The following CIT variants were observed in gnomAD, a reference collection of about 807,000 sequenced individuals.
CIT encodes the protein citron rho-interacting serine/threonine kinase.
In CIT, 79 loss-of-function variants were observed where a neutral mutation model predicts 272.7. That is an observed-to-expected ratio of 0.29 (90% CI 0.24 to 0.35). The LOEUF (loss-of-function observed/expected upper bound fraction) is 0.35, where lower values mean the gene tolerates loss of function less well. Among genes scored for constraint, CIT ranks in the 10% least tolerant of loss-of-function variants. The pLI is 1.00. For synonymous variants in CIT, 948 were observed against 995.6 expected (o/e 0.95, Z 0.90); for missense variants, 1,909 against 2,618.3 (o/e 0.73, Z 5.91).
chr12:119,778,651 C>CCA (rs1566030495), intron 13 of CIT, among the ~76,000 whole-genome samples: 2 of 151,984 alleles, frequency 1.3e-5, no homozygotes, highest in Non-Finnish European at 2.9e-5. Flanking sequence ...CGCCCCCCCC[C>CCA]CAGAGCATAT....
chr12:119,824,106 CTGTATATATATATA>C (rs1398836074), intron 8 of CIT, among the ~76,000 whole-genome samples: 2 of 64,416 alleles, frequency 3.1e-5, no homozygotes, highest in Non-Finnish European at 5.7e-5. Flanking sequence ...AATAGTTTTA[CTGTATATATATATA>C]TATATATATA....
chr12:119,744,403 T>TA (rs764573407), intron 23 of CIT, among the ~76,000 whole-genome samples: 148 of 137,942 alleles, frequency 1.1e-3, no homozygotes, highest in Middle Eastern at 7.2e-3. Context: ...TATTTAATTA[T>TA]AAAAAAAAAA....
rs767991355 is a variant in CIT, at chr12:119,714,378, A to T, written c.4169-44T>A. 48 of 1,608,324 alleles carry T rather than the reference A, an allele frequency of 3.0e-5. 1 individual carries two copies. In the South Asian group the frequency reaches 4.9e-4, roughly 16 times the overall value. On this transcript the variant is annotated intron_variant, in intron 32 of 47. Coordinates refer to ENST00000392521, the MANE Select transcript of CIT (RefSeq NM_001206999.2). ...AAAAATCATTAGAGTACTGCAAATGATCCCATCAGGAAAGTGAAAAGACAA... is the reference window on the plus strand; with the variant it reads ...AAAAATCATTAGAGTACTGCAAATGTTCCCATCAGGAAAGTGAAAAGACAA...
chr12:119,850,891 T>C (rs1970181864), intron 4 of CIT, among the ~76,000 whole-genome samples: 1 of 152,104 alleles, frequency 6.6e-6, no homozygotes, highest in Non-Finnish European at 1.5e-5. Flanking sequence ...CAGAGCAGAT[T>C]ATCTGGACCC....
chr12:119,853,273 G>A (rs1566128531), intron 4 of CIT, among the ~76,000 whole-genome samples: 1 of 149,224 alleles, frequency 6.7e-6, no homozygotes, highest in African/African-American at 2.5e-5. Context: ...GCAGTGAGCA[G>A]AGATTGTGCC....
At chr12:119,726,739 C>T (rs985536847) in intron 28 of CIT, among the ~76,000 whole-genome samples, 2 of 152,058 alleles carry the variant, frequency 1.3e-5, no homozygotes, top group African/African-American at 4.8e-5. Context: ...TGCATTTGTC[C>T]TTGCAGGTCA....
intron 10 of CIT, among the ~76,000 whole-genome samples, chr12:119,795,110 G>T (rs1965624277): frequency 6.6e-6 from 1 of 152,172 alleles, no homozygotes; most frequent in Non-Finnish European, 1.5e-5. Context: ...AGCCAGGCGT[G>T]GTGGCTCACA....
chr12:119,753,347 G>C (rs1403117177), intron 22 of CIT, among the ~76,000 whole-genome samples: 1 of 152,194 alleles, frequency 6.6e-6, no homozygotes, highest in Non-Finnish European at 1.5e-5. Flanking sequence ...TAGGGGTGAA[G>C]AGAAGAAACA....
chr12:119,876,180 C>T lies in CIT; in HGVS notation c.-12G>A, dbSNP rs747372703. The T allele has an allele frequency of 7.5e-6, 12 of 1,600,242 alleles. No homozygotes were observed. The Middle Eastern group carries it at 8.3e-4, about 110-fold the overall frequency. On this transcript the variant is annotated splice_region_variant and 5_prime_UTR_variant, in exon 2 of 48. Coordinates refer to ENST00000392521, the MANE Select transcript of CIT (RefSeq NM_001206999.2). ...TTGAACTTCAACATCTCCCCACTGGCGCTGAAAGGATATCAGAAAAGTCAA... is the reference window on the plus strand; with the variant it reads ...TTGAACTTCAACATCTCCCCACTGGTGCTGAAAGGATATCAGAAAAGTCAA...
chr12:119,733,693 C>G (rs569324111), intron 26 of CIT, among the ~76,000 whole-genome samples: 57 of 152,102 alleles, frequency 3.7e-4, no homozygotes, highest in African/African-American at 1.4e-3. Context: ...TGAGTAGAGA[C>G]TAGGGATGCT....
At chr12:119,790,441 T>C (rs1965210369) in intron 10 of CIT, among the ~76,000 whole-genome samples, 1 of 152,190 alleles carries the variant, frequency 6.6e-6, no homozygotes, top group Admixed American at 6.5e-5. Flanking sequence ...TATCTAATTA[T>C]GAAATTCTGT....
chr12:119,776,888 A>C (rs766300420), intron 13 of CIT, 46 bp from the exon 14 acceptor site: 3 of 1,585,272 alleles, frequency 1.9e-6, no homozygotes, highest in Non-Finnish European at 2.6e-6. Context: ...GAACTCCGAA[A>C]AGAATAGACA....
intron 26 of CIT, among the ~76,000 whole-genome samples, chr12:119,732,406 T>G (rs1030242148): frequency 6.6e-6 from 1 of 151,600 alleles, no homozygotes; most frequent in African/African-American, 2.4e-5. Context: ...TAAAAACAGC[T>G]AGGATAGGAG....
chr12:119,689,779 G>A (rs990006794), intron 47 of CIT, among the ~76,000 whole-genome samples: 1 of 141,768 alleles, frequency 7.1e-6, no homozygotes, highest in African/African-American at 2.6e-5. Context: ...CCGGGTTCAC[G>A]CCATTCTCCC....
rs1958238081 is a variant in CIT, at chr12:119,728,341, T to C, written c.3591+161A>G. Among the ~76,000 whole-genome samples, 1 of 152,142 alleles carries C rather than the reference T, an allele frequency of 6.6e-6. No individual in the cohort carries two copies. Among genetic ancestry groups the C allele is most frequent in the Non-Finnish European group, 1.5e-5 (1 of 68,030 alleles). ...TGGACACTCTGGTACAGGGTGTTGA[T>C]AGCTGGGGACACTGTGGGAGGAGGA... On this transcript the variant is annotated intron_variant, in intron 28 of 47. Coordinates refer to ENST00000392521, the MANE Select transcript of CIT (RefSeq NM_001206999.2). This position sits in a 1 kb window ranked among gnomAD's most constrained non-coding sequence, Gnocchi z 4.3.
chr12:119,869,213 A>C lies in CIT; in HGVS notation c.97-12T>G. ...AAGGGTGGTTTCCCCTAAAAACAGC[A>C]AACAGCAGATGGAGACACTGTCAAT... On this transcript the variant is annotated splice_polypyrimidine_tract_variant and intron_variant, in intron 2 of 47. Coordinates refer to ENST00000392521, the MANE Select transcript of CIT (RefSeq NM_001206999.2). 1 of 1,593,186 alleles carries C rather than the reference A, an allele frequency of 6.3e-7. No homozygotes were observed. Among genetic ancestry groups the C allele is most frequent in the Admixed American group, 1.9e-5 (1 of 52,140 alleles).
intron 16 of CIT, among the ~76,000 whole-genome samples, chr12:119,775,479 T>C (rs1411857053): frequency 6.6e-6 from 1 of 152,082 alleles, no homozygotes; most frequent in African/African-American, 2.4e-5. Flanking sequence ...TGTGCATAAA[T>C]GAGGTGCCAG....
In CIT at chr12:119,730,482, G is replaced by A; in HGVS notation, c.3486+13C>T. 1 of 1,587,922 alleles carries A rather than the reference G, an allele frequency of 6.3e-7. No homozygotes were observed. Among genetic ancestry groups the A allele is most frequent in the Admixed American group, 1.8e-5 (1 of 56,406 alleles). ...AAATGTTTTCCTAAAAAGCAGAAGG[G>A]GTGGGCGCTGACCTTGTCAGAGAGG... On this transcript the variant is annotated intron_variant, in intron 27 of 47. Coordinates refer to ENST00000392521, the MANE Select transcript of CIT (RefSeq NM_001206999.2).
chr12:119,832,928 A>G lies in CIT; in HGVS notation c.660-64T>C, dbSNP rs927959365. On this transcript the variant is annotated intron_variant, in intron 6 of 47. Transcript: ENST00000392521. ...CCAATCAGCAAGCAAGTGCTAACCT[A>G]GAATCTCAATTGAGCCAAAAATCTT... The G allele has an allele frequency of 7.3e-6, 9 of 1,240,590 alleles. No homozygotes were observed. The African/African-American group carries it at 1.3e-4, about 18-fold the overall frequency. The allele number at this position is 1,240,590 out of a possible 1,614,324, so 76.8% of individuals were successfully genotyped here.
Sources: gnomAD v4.1 joint callset for allele counts (sites outside exome capture counted in the v4.1 genomes callset) on GRCh38, gnomAD v4.1.1 for gene constraint, Gnocchi (gnomAD v3.1) non-coding constraint, MANE v1.5 for transcripts, NCBI Gene and HGNC (gene_info 2026-07-23, HGNC 2026-07-21) for gene names.